The following DLGAP2 variants were observed in gnomAD, a reference collection of about 807,000 sequenced individuals.
DLGAP2 encodes the protein DLG associated protein 2.
A neutral mutation model predicts 100.3 loss-of-function variants in DLGAP2; 26 were observed. That is an observed-to-expected ratio of 0.26 (90% CI 0.19 to 0.36). The LOEUF (loss-of-function observed/expected upper bound fraction) is 0.36, where lower values mean the gene tolerates loss of function less well. Ranked by LOEUF, DLGAP2 falls within the 10% of genes least tolerant of loss-of-function variation. DLGAP2 has a pLI of 1.00. For missense variants in DLGAP2, 1,858 were observed against 1,453.2 expected (o/e 1.28, Z -4.53); for synonymous variants, 886 against 630.1 (o/e 1.41, Z -6.08).
intron 2 of DLGAP2, among the ~76,000 whole-genome samples, chr8:1,029,556 G>GC (rs1282188384): frequency 3.0e-5 from 4 of 131,452 alleles, no homozygotes; most frequent in African/African-American, 1.3e-4. Context: ...GTCCAGCAGT[G>GC]CTGAGAGGTT....
chr8:1,543,895 C>T (rs1485291494), intron 4 of DLGAP2, among the ~76,000 whole-genome samples: 2 of 151,292 alleles, frequency 1.3e-5, no homozygotes, highest in Non-Finnish European at 2.9e-5. Context: ...GAATCTTTCA[C>T]GTCCTTTTTT....
At chr8:1,409,291 A>C (rs978471869) in intron 3 of DLGAP2, among the ~76,000 whole-genome samples, 41 of 128,750 alleles carry the variant, frequency 3.2e-4, no homozygotes, top group Non-Finnish European at 3.8e-4. Context: ...CTGAAAACCA[A>C]CTGGAACCAA....
At chr8:1,171,540 G>A (rs1797128682) in intron 2 of DLGAP2, among the ~76,000 whole-genome samples, 1 of 151,836 alleles carries the variant, frequency 6.6e-6, no homozygotes, top group South Asian at 2.1e-4. Context: ...AGGTCACTCA[G>A]GACTTGCTTT....
chr8:1,176,316 C>T (rs1292271777), intron 2 of DLGAP2, among the ~76,000 whole-genome samples: 1 of 152,118 alleles, frequency 6.6e-6, no homozygotes, highest in Non-Finnish European at 1.5e-5. Context: ...ACACTTTCCT[C>T]AGGTTCCTCG....
At chr8:1,140,100 A>G (rs1796495726) in intron 2 of DLGAP2, among the ~76,000 whole-genome samples, 1 of 152,162 alleles carries the variant, frequency 6.6e-6, no homozygotes, top group Admixed American at 6.5e-5. Flanking sequence ...CAGTAAGAAG[A>G]ATCATCTCCC....
chr8:1,575,949 G>A (rs563659943), intron 6 of DLGAP2, among the ~76,000 whole-genome samples: 3 of 152,226 alleles, frequency 2.0e-5, no homozygotes, highest in South Asian at 4.1e-4. Flanking sequence ...TGCCTTTATA[G>A]CAGCATGATT....
intron 8 of DLGAP2, among the ~76,000 whole-genome samples, chr8:1,655,796 T>TTAACAGAGTCCCTAACACAGA (rs1393523452): frequency 2.0e-5 from 3 of 152,224 alleles, no homozygotes; most frequent in Admixed American, 6.5e-5. Context: ...ATCAGAGTCC[T>TTAACAGAGTCCCTAACACAGA]CTGCTTCATG....
chr8:746,970 C>T (rs932752854), intron 1 of DLGAP2, among the ~76,000 whole-genome samples: 1 of 152,122 alleles, frequency 6.6e-6, no homozygotes, highest in Non-Finnish European at 1.5e-5. Flanking sequence ...ACTGTGAGTT[C>T]TCGGGAAGAC....
intron 2 of DLGAP2, among the ~76,000 whole-genome samples, chr8:969,237 C>G (rs1799955417): frequency 6.6e-6 from 1 of 152,324 alleles, no homozygotes; most frequent in Admixed American, 6.5e-5. Flanking sequence ...CCTCCGATGT[C>G]AGCTCTTCCT....
chr8:753,174 C>T (rs1483933054), intron 1 of DLGAP2, among the ~76,000 whole-genome samples: 3 of 152,284 alleles, frequency 2.0e-5, no homozygotes, highest in South Asian at 2.1e-4. Context: ...CGCTTAGGGC[C>T]GGATGGGTGT....
rs374924799 is a variant in DLGAP2, at chr8:1,448,537, G to T, written c.107-52829G>T. 1.0e-3 allele frequency among the ~76,000 whole-genome samples: 153 copies of T among 152,264 alleles called. No individual in the cohort carries two copies. In the East Asian group the frequency reaches 0.015, roughly 15 times the overall value. ...TGGTCAATTTTGGAATAGGTGTGGT[G>T]TGGTGCTGAAAAAAATGTATATTCT... On this transcript the variant is annotated intron_variant, in intron 3 of 14. Coordinates refer to ENST00000637795, the MANE Select transcript of DLGAP2 (RefSeq NM_001346810.2).
intron 3 of DLGAP2, among the ~76,000 whole-genome samples, chr8:1,464,393 A>G (rs199653616): frequency 0.015 from 518 of 34,048 alleles, 15 homozygotes; most frequent in East Asian, 0.083. Context: ...ACCCTTCCGG[A>G]ATGGCATCCT....
chr8:1,269,539 C>T (rs1350083582), intron 3 of DLGAP2, among the ~76,000 whole-genome samples: 2 of 152,140 alleles, frequency 1.3e-5, no homozygotes, highest in African/African-American at 4.8e-5. Flanking sequence ...ACCCTGAAAC[C>T]CCGTATTATT....
At chr8:1,156,686 A>G (rs907068626) in intron 2 of DLGAP2, among the ~76,000 whole-genome samples, 19 of 134,922 alleles carry the variant, frequency 1.4e-4, no homozygotes, top group African/African-American at 5.3e-4. Flanking sequence ...CCAGCCCAGC[A>G]CCCCAGCTCA....
chr8:1,585,183 C>G (rs1796077654), intron 6 of DLGAP2, among the ~76,000 whole-genome samples: 1 of 152,180 alleles, frequency 6.6e-6, no homozygotes, highest in Non-Finnish European at 1.5e-5. Flanking sequence ...ATACTCCTGG[C>G]TGTGAATGAG....
intron 2 of DLGAP2, among the ~76,000 whole-genome samples, chr8:930,783 G>A (rs996067328): frequency 6.6e-6 from 1 of 152,226 alleles, no homozygotes; most frequent in African/African-American, 2.4e-5. Context: ...CCAGGCCGTG[G>A]TGCAGAGGCT....
At chr8:1,634,817 A>G (rs1797730218) in intron 8 of DLGAP2, among the ~76,000 whole-genome samples, 1 of 152,224 alleles carries the variant, frequency 6.6e-6, no homozygotes. Context: ...TTTCACAGAG[A>G]TAAGAACCAG....
In DLGAP2 at chr8:1,326,599, G is replaced by A. The variant is rs373182517; in HGVS notation, c.106+67716G>A. Among the ~76,000 whole-genome samples, 117 of 151,820 alleles carry A rather than the reference G, an allele frequency of 7.7e-4. 1 individual carries two copies. The highest frequency in any genetic ancestry group is 4.2e-3 in the South Asian group (20 of 4,774). ...GGGCTTGTCACTCAGGACACGGCGCGTGCTCGGTCTCAGTCTTGGTCTGGG... is the reference window on the plus strand; with the variant it reads ...GGGCTTGTCACTCAGGACACGGCGCATGCTCGGTCTCAGTCTTGGTCTGGG... On this transcript the variant is annotated intron_variant, in intron 3 of 14. Coordinates refer to ENST00000637795, the MANE Select transcript of DLGAP2 (RefSeq NM_001346810.2).
intron 3 of DLGAP2, among the ~76,000 whole-genome samples, chr8:1,444,472 C>G (rs1251908100): frequency 6.6e-6 from 1 of 152,158 alleles, no homozygotes; most frequent in Non-Finnish European, 1.5e-5. Context: ...TGTTTGATGT[C>G]TTTCATCTGC....
Sources: allele counts gnomAD v4.1 joint callset (sites outside exome capture counted in the v4.1 genomes callset), GRCh38; gene constraint gnomAD v4.1.1; transcripts MANE v1.5; gene names NCBI Gene and HGNC (gene_info 2026-07-23, HGNC 2026-07-21).